Variants in GLIS3 observed in about 807,000 individuals in gnomAD.
GLIS3 encodes zinc finger protein GLIS3.
GLIS3 carries 53 observed loss-of-function variants against 78.6 expected under a neutral mutation model. That is an observed-to-expected ratio of 0.67 (90% CI 0.54 to 0.85). GLIS3 has a LOEUF of 0.85. Ranked by LOEUF, GLIS3 falls within the 40% of genes least tolerant of loss-of-function variation. The probability of loss-of-function intolerance (pLI) is 0.00; values close to 1 mark genes in which losing one functional copy is unlikely to be tolerated. For synonymous variants in GLIS3, 684 were observed against 509.9 expected, an observed-to-expected ratio of 1.34 and a Z score of -4.60; for missense variants, 1,703 against 1,231.1, an observed-to-expected ratio of 1.38 and a Z score of -5.74.
the GLIS3 span, among the ~76,000 whole-genome samples, chr9:4,384,164 A>G: frequency 1.3e-5 from 2 of 152,206 alleles, no homozygotes; most frequent in Non-Finnish European, 2.9e-5. Flanking sequence ...TGAGGTGTAC[A>G]CGTTTTCCTC....
chr9:4,366,195 G>A, the GLIS3 span, among the ~76,000 whole-genome samples: 2 of 152,124 alleles, frequency 1.3e-5, no homozygotes. Flanking sequence ...CTATCCTTAT[G>A]GCTGTATTTA....
chr9:4,027,921 C>T (rs554302136), intron 4 of GLIS3, among the ~76,000 whole-genome samples: 2 of 152,302 alleles, frequency 1.3e-5, no homozygotes, highest in South Asian at 4.1e-4. Context: ...TGAAGGCCAG[C>T]TCAGAGCCTC....
At chr9:4,283,427 G>A (rs577767435) in intron 2 of GLIS3, among the ~76,000 whole-genome samples, 50 of 151,904 alleles carry the variant, frequency 3.3e-4, no homozygotes, top group African/African-American at 7.5e-4. Flanking sequence ...CACCACACCC[G>A]GCTCATTTTT....
Position 4,050,739 on chromosome 9 carries a change from G to T in GLIS3, c.1710+67029C>A, listed in dbSNP as rs1048091698. On this transcript the variant is annotated intron_variant, in intron 4 of 10. Coordinates refer to ENST00000381971, the MANE Select transcript of GLIS3 (RefSeq NM_001042413.2). ...TTTCCTGTGGGATTCTGATCTTTCA[G>T]TACTAACTTTTTAAAGCCTTCAAAC... Among the ~76,000 whole-genome samples the T allele has an allele frequency of 1.8e-4, 28 of 152,094 alleles. 1 individual carries two copies. Among genetic ancestry groups the T allele is most frequent in the African/African-American group, 6.5e-4 (27 of 41,404 alleles).
the GLIS3 span, among the ~76,000 whole-genome samples, chr9:4,413,886 C>G: frequency 6.6e-6 from 1 of 152,290 alleles, no homozygotes; most frequent in Non-Finnish European, 1.5e-5. Context: ...AAATGAGGTT[C>G]TGGCTATCCA....
intron 1 of GLIS3, among the ~76,000 whole-genome samples, chr9:4,287,467 T>C (rs1204673465): frequency 6.6e-6 from 1 of 152,294 alleles, no homozygotes; most frequent in South Asian, 2.1e-4. Context: ...CCTTGACCAA[T>C]AGCTCCCCAA....
intron 4 of GLIS3, among the ~76,000 whole-genome samples, chr9:3,953,795 C>CTATATATATATA (rs57500093): frequency 2.0e-4 from 15 of 73,326 alleles, no homozygotes; most frequent in Admixed American, 8.6e-4. Flanking sequence ...CTCTCTCTCT[C>CTATATATATATA]TATATATATA....
chr9:4,207,081 C>T (rs1819946118), intron 2 of GLIS3, among the ~76,000 whole-genome samples: 1 of 152,212 alleles, frequency 6.6e-6, no homozygotes, highest in Non-Finnish European at 1.5e-5. Flanking sequence ...ACAAAGGCAA[C>T]ACATTCATCC....
Position 4,092,609 on chromosome 9 carries a change from C to G in GLIS3, c.1710+25159G>C, listed in dbSNP as rs76292954. ...ACATTATCCTAGGCCTACACAGGGT[C>G]ATGATCATCAATATCACTGTCTTCC... On this transcript the variant is annotated intron_variant, in intron 4 of 10. Coordinates refer to ENST00000381971, the MANE Select transcript of GLIS3 (RefSeq NM_001042413.2). Among the ~76,000 whole-genome samples the G allele has an allele frequency of 8.6e-3, 1,305 of 152,242 alleles. 6 individuals carry two copies. The highest frequency in any genetic ancestry group is 0.02 in the South Asian group (96 of 4,818).
chr9:4,196,685 C>T (rs1173323593), intron 2 of GLIS3, among the ~76,000 whole-genome samples: 1 of 152,180 alleles, frequency 6.6e-6, no homozygotes, highest in Non-Finnish European at 1.5e-5. Context: ...CATGTCTGAA[C>T]ATCAGAAGGA....
At chr9:4,066,483 C>T (rs1290889751) in intron 4 of GLIS3, among the ~76,000 whole-genome samples, 1 of 152,174 alleles carries the variant, frequency 6.6e-6, no homozygotes, top group African/African-American at 2.4e-5. Context: ...AAGCTCCCTG[C>T]CACTGCTGCT....
intron 2 of GLIS3, among the ~76,000 whole-genome samples, chr9:4,240,642 A>C (rs962372623): frequency 1.3e-5 from 2 of 152,206 alleles, no homozygotes; most frequent in African/African-American, 4.8e-5. Context: ...AAAAGTAAAA[A>C]AGTTAGAAGA....
the GLIS3 span, among the ~76,000 whole-genome samples, chr9:4,448,927 A>G: frequency 6.6e-6 from 1 of 152,166 alleles, no homozygotes; most frequent in East Asian, 1.9e-4. Flanking sequence ...TGATTTCTGC[A>G]TTTCCAACTG....
chr9:4,157,779 G>A (rs891675876), intron 2 of GLIS3, among the ~76,000 whole-genome samples: 1 of 152,118 alleles, frequency 6.6e-6, no homozygotes. Context: ...AGTGTAACCA[G>A]GCACAATTGA....
intron 2 of GLIS3, among the ~76,000 whole-genome samples, chr9:4,178,978 T>C (rs544043016): frequency 6.6e-6 from 1 of 152,362 alleles, no homozygotes; most frequent in Non-Finnish European, 1.5e-5. Flanking sequence ...AAAGAAAATG[T>C]GAATTATTTA....
intron 4 of GLIS3, among the ~76,000 whole-genome samples, chr9:4,117,264 C>T (rs1831724498): frequency 1.3e-5 from 2 of 152,182 alleles, no homozygotes. Flanking sequence ...AGAGCGCAGG[C>T]ATGTGGATGC....
intron 4 of GLIS3, among the ~76,000 whole-genome samples, chr9:4,046,421 A>G (rs1459112503): frequency 6.6e-6 from 1 of 152,198 alleles, no homozygotes; most frequent in Non-Finnish European, 1.5e-5. Flanking sequence ...CTAGCAGGAT[A>G]TAACACTTTG....
At chr9:3,951,587 A>G (rs1158428136) in intron 4 of GLIS3, among the ~76,000 whole-genome samples, 3 of 151,948 alleles carry the variant, frequency 2.0e-5, no homozygotes, top group East Asian at 3.8e-4. Context: ...TTTAAAAAAT[A>G]TATTTATAAG....
chr9:4,042,731 G>A (rs973429024), intron 4 of GLIS3, among the ~76,000 whole-genome samples: 2 of 152,092 alleles, frequency 1.3e-5, no homozygotes. Context: ...AAAAACTGTA[G>A]GGAAATATAA....
Sources: gnomAD v4.1 joint callset for allele counts (sites outside exome capture counted in the v4.1 genomes callset) on GRCh38, gnomAD v4.1.1 for gene constraint, MANE v1.5 for transcripts, NCBI Gene and HGNC (gene_info 2026-07-23, HGNC 2026-07-21) for gene names.